Variants in CRIM1 observed in about 807,000 individuals in gnomAD.
The protein encoded by CRIM1 is cysteine-rich motor neuron 1 protein.
A neutral mutation model predicts 116.4 loss-of-function variants in CRIM1; 32 were observed. That is an observed-to-expected ratio of 0.27 (90% CI 0.21 to 0.37). The LOEUF (loss-of-function observed/expected upper bound fraction) is 0.37, where lower values mean the gene tolerates loss of function less well. Among genes scored for constraint, CRIM1 ranks in the 10% least tolerant of loss-of-function variants. CRIM1 has a pLI of 1.00. For synonymous variants in CRIM1, 590 were observed against 509.2 expected (o/e 1.16, Z -2.13); for missense variants, 1,331 against 1,354.8 (o/e 0.98, Z 0.28).
chr2:36,521,787 C>T (rs1348558315), intron 12 of CRIM1, among the ~76,000 whole-genome samples: 1 of 152,234 alleles, frequency 6.6e-6, no homozygotes, highest in African/African-American at 2.4e-5. Flanking sequence ...GTCCCATTTA[C>T]TTACATGCAT....
chr2:36,362,049 G>GT (rs1246539963), intron 1 of CRIM1, among the ~76,000 whole-genome samples: 1 of 151,998 alleles, frequency 6.6e-6, no homozygotes, highest in Non-Finnish European at 1.5e-5. Flanking sequence ...TGGGGTGAGG[G>GT]GGAAACTAGG....
intron 11 of CRIM1, among the ~76,000 whole-genome samples, chr2:36,515,461 T>C (rs967184168): frequency 1.3e-5 from 2 of 152,238 alleles, no homozygotes; most frequent in African/African-American, 4.8e-5. Flanking sequence ...TTTAGCATGT[T>C]GCCACATAAG....
intron 2 of CRIM1, among the ~76,000 whole-genome samples, chr2:36,428,172 G>C (rs1358155031): frequency 6.6e-6 from 1 of 152,226 alleles, no homozygotes; most frequent in African/African-American, 2.4e-5. Context: ...GATGATGACT[G>C]TGTGTTTTGA....
intron 11 of CRIM1, among the ~76,000 whole-genome samples, chr2:36,517,034 T>C (rs1665074442): frequency 6.6e-6 from 1 of 152,192 alleles, no homozygotes; most frequent in Admixed American, 6.5e-5. Context: ...AGGCCCCTGT[T>C]CTCATCTCTA....
rs76325592 is a variant in CRIM1, at chr2:36,403,975, T to C, written c.505+7188T>C. Among the ~76,000 whole-genome samples the C allele has an allele frequency of 1.2e-3, 187 of 152,214 alleles. 3 individuals carry two copies. The East Asian group carries it at 0.033, about 27-fold the overall frequency. On this transcript the variant is annotated intron_variant, in intron 2 of 16. Transcript: ENST00000280527. ...TCTAATGACTTTTTGAGTACATAAATGATGTGAGGAGTATGAGCATTTTTA... is the reference window on the plus strand; with the variant it reads ...TCTAATGACTTTTTGAGTACATAAACGATGTGAGGAGTATGAGCATTTTTA...
At chr2:36,535,350 G>A (rs1018639941) in intron 13 of CRIM1, among the ~76,000 whole-genome samples, 4 of 152,128 alleles carry the variant, frequency 2.6e-5, no homozygotes. Context: ...TAGTGAAGTC[G>A]CCTCTTTTAA....
chr2:36,409,506 T>A (rs1673055952), intron 2 of CRIM1, among the ~76,000 whole-genome samples: 2 of 152,334 alleles, frequency 1.3e-5, no homozygotes, highest in African/African-American at 4.8e-5. Context: ...GTCCTGGGGC[T>A]GGCCCATTGC....
At chr2:36,547,732 AGG>A in intron 16 of CRIM1, among the ~76,000 whole-genome samples, 1 of 152,172 alleles carries the variant, frequency 6.6e-6, no homozygotes, top group Admixed American at 6.5e-5. Flanking sequence ...TTTCACACTA[AGG>A]GAGAAAAGAT....
chr2:36,473,195 C>A (rs1048332150), intron 5 of CRIM1, among the ~76,000 whole-genome samples: 2 of 152,070 alleles, frequency 1.3e-5, no homozygotes, highest in African/African-American at 2.4e-5. Context: ...CCTCCAAATG[C>A]GGTGAAAGTA....
chr2:36,504,492 C>G (rs1351048585), intron 8 of CRIM1, among the ~76,000 whole-genome samples: 1 of 152,156 alleles, frequency 6.6e-6, no homozygotes. Context: ...AGAATTCTTT[C>G]ATTTGAACAT....
intron 13 of CRIM1, among the ~76,000 whole-genome samples, chr2:36,528,745 A>G (rs1665922805): frequency 6.6e-6 from 1 of 152,152 alleles, no homozygotes; most frequent in African/African-American, 2.4e-5. Flanking sequence ...AAACAGGATG[A>G]TTTTCTGTGT....
intron 2 of CRIM1, among the ~76,000 whole-genome samples, chr2:36,412,133 C>T (rs1171732405): frequency 6.6e-6 from 1 of 152,132 alleles, no homozygotes; most frequent in Non-Finnish European, 1.5e-5. Flanking sequence ...AGAGCTGCTA[C>T]GGGTCATGAT....
intron 4 of CRIM1, among the ~76,000 whole-genome samples, chr2:36,462,841 T>C (rs1558330173): frequency 2.0e-5 from 3 of 152,328 alleles, no homozygotes; most frequent in East Asian, 1.9e-4. Flanking sequence ...AGTATGATTA[T>C]GTGCTTACCA....
chr2:36,397,005 G>A (rs1003815860), intron 2 of CRIM1, among the ~76,000 whole-genome samples: 3 of 152,124 alleles, frequency 2.0e-5, no homozygotes, highest in Non-Finnish European at 4.4e-5. Context: ...TGTGAGCAGG[G>A]CCCTCTGTGC....
intron 1 of CRIM1, among the ~76,000 whole-genome samples, chr2:36,379,906 A>G (rs1670608639): frequency 1.0e-5 from 1 of 96,838 alleles, no homozygotes; most frequent in Non-Finnish European, 2.8e-5. Context: ...GTTTGGTTAA[A>G]AAAAAAAAAA....
intron 4 of CRIM1, among the ~76,000 whole-genome samples, chr2:36,460,463 A>G (rs1677491870): frequency 6.6e-6 from 1 of 152,230 alleles, no homozygotes; most frequent in African/African-American, 2.4e-5. Context: ...GGTACTAGTG[A>G]TGGTTATACA....
chr2:36,476,837 C>T, intron 5 of CRIM1, 52 bp from the exon 6 acceptor site: 1 of 1,468,210 alleles, frequency 6.8e-7, no homozygotes, highest in Non-Finnish European at 9.3e-7. Flanking sequence ...CATCAAAGGA[C>T]ACAACTAAAA....
intron 1 of CRIM1, among the ~76,000 whole-genome samples, chr2:36,380,398 T>TGTCCA (rs1670655414): frequency 6.6e-6 from 1 of 152,164 alleles, no homozygotes; most frequent in African/African-American, 2.4e-5. Context: ...GGGCCACAGT[T>TGTCCA]GTCCAGTCCC....
At chr2:36,512,601 T>C (rs753498877) in intron 10 of CRIM1, among the ~76,000 whole-genome samples, 5 of 152,196 alleles carry the variant, frequency 3.3e-5, no homozygotes, top group Non-Finnish European at 7.4e-5. Flanking sequence ...AGTAAGTATA[T>C]GATGGACAAG....
Sources: gnomAD v4.1 joint callset for allele counts (sites outside exome capture counted in the v4.1 genomes callset) on GRCh38, gnomAD v4.1.1 for gene constraint, MANE v1.5 for transcripts, NCBI Gene and HGNC (gene_info 2026-07-23, HGNC 2026-07-21) for gene names.